Variants in NXPE4 observed in about 807,000 individuals in gnomAD.
The protein encoded by NXPE4 is neurexophilin and PC-esterase domain family member 4, also known as NXPE family member 4.
Under a neutral mutation model 33.3 loss-of-function variants are expected in NXPE4, and 42 were observed. That is an observed-to-expected ratio of 1.26 (90% CI 0.98 to 1.63). The LOEUF (loss-of-function observed/expected upper bound fraction) is 1.63. Ranked by LOEUF, NXPE4 falls within the 40% of genes most tolerant of loss-of-function variation. NXPE4 has a pLI of 0.00. For missense variants in NXPE4, 709 were observed against 647.6 expected (o/e 1.09, Z -1.03); for synonymous variants, 253 against 234.9 (o/e 1.08, Z -0.71).
At chr11:114,600,598 A>G (rs967934915), upstream of NXPE4, among the ~76,000 whole-genome samples, 45 of 152,128 alleles carry the variant, frequency 3.0e-4, no homozygotes, top group African/African-American at 1.1e-3. Context: ...ATGAAAAACC[A>G]TGTAAGACTA....
At chr11:114,637,976 C>T in the NXPE4 span, among the ~76,000 whole-genome samples, 10 of 151,444 alleles carry the variant, frequency 6.6e-5, no homozygotes, top group African/African-American at 1.2e-4. Flanking sequence ...ATCTTTGTGG[C>T]GTTCTCTGTA....
rs73557425 is a variant in NXPE4 at position 114,582,716 on chromosome 11, G to A, written c.402C>T (p.Gly134=). ...ACATCCTGGCCCTCAGGAAATCCCC[G>A]CCATATTGCTTCCTGCGTCCCAAGT... The part of the protein sequence containing the change: ...RDHLGRRKQY[G]GDFLRARMSS... Residue 134 remains glycine, a synonymous_variant, in exon 3 of 6, where the codon GGC becomes GGT. Coordinates refer to ENST00000375478, the MANE Select transcript of NXPE4 (RefSeq NM_001077639.2). 790 of 1,614,096 alleles carry A rather than the reference G, an allele frequency of 4.9e-4. 6 individuals are homozygous for A. The African/African-American group carries it at 5.0e-3, about 10-fold the overall frequency.
At chr11:114,630,031 C>G in the NXPE4 span, among the ~76,000 whole-genome samples, 1 of 151,150 alleles carries the variant, frequency 6.6e-6, no homozygotes, top group Non-Finnish European at 1.5e-5. Flanking sequence ...AGGATACAAA[C>G]AAATGGAAGA....
the NXPE4 span, among the ~76,000 whole-genome samples, chr11:114,648,280 G>T: frequency 0.015 from 2,223 of 152,186 alleles, 42 homozygotes; most frequent in African/African-American, 0.051. Context: ...GAGAGCCAAT[G>T]GTGTAGGTTC....
chr11:114,646,545 G>C, the NXPE4 span, among the ~76,000 whole-genome samples: 1 of 151,864 alleles, frequency 6.6e-6, no homozygotes, highest in Non-Finnish European at 1.5e-5. Flanking sequence ...AATTATAAAA[G>C]TGAGTTATCA....
At chr11:114,574,839 A>G (rs1054897182) in intron 5 of NXPE4, among the ~76,000 whole-genome samples, 7 of 152,254 alleles carry the variant, frequency 4.6e-5, no homozygotes, top group Non-Finnish European at 8.8e-5. Flanking sequence ...AAATAATTCT[A>G]TAAAGCCAGT....
upstream of NXPE4, among the ~76,000 whole-genome samples, chr11:114,597,796 A>C (rs1201635694): frequency 6.6e-6 from 1 of 152,146 alleles, no homozygotes; most frequent in Admixed American, 6.5e-5. Context: ...GCTCCTGATG[A>C]CCAAAGTTGC....
the NXPE4 span, among the ~76,000 whole-genome samples, chr11:114,601,690 A>AAT: frequency 1.2e-4 from 4 of 32,450 alleles, no homozygotes; most frequent in African/African-American, 4.1e-4. Flanking sequence ...TAGATTATAT[A>AAT]TATTTATAAT....
Position 114,580,256 on chromosome 11 carries a change from C to T in NXPE4, c.975G>A (p.Trp325Ter). 6.2e-7 allele frequency: 1 copy of T among 1,614,032 alleles called. No individual in the cohort carries two copies. Among genetic ancestry groups the T allele is most frequent in the Non-Finnish European group, 8.5e-7 (1 of 1,179,918 alleles). Residue 325 changes from tryptophan to a stop codon, truncating the protein, a stop_gained, in exon 5 of 6, where the codon TGG becomes TGA. Coordinates refer to ENST00000375478, the MANE Select transcript of NXPE4 (RefSeq NM_001077639.2). LOFTEE classifies it high-confidence loss of function. Reference sequence around the variant, plus strand: ...TAGCCAAACTACAGGAGACAGGATTCCATGTGTTTCTCCAGACATGCCCAC... The same window carrying T: ...TAGCCAAACTACAGGAGACAGGATTTCATGTGTTTCTCCAGACATGCCCAC... ...IPSGHVWRNTWNPVSCSLATV... is the reference protein window; with the variant it reads ...IPSGHVWRNT
At chr11:114,651,968 G>A in the NXPE4 span, among the ~76,000 whole-genome samples, 3 of 152,266 alleles carry the variant, frequency 2.0e-5, no homozygotes, top group South Asian at 4.1e-4. Context: ...GGTTCACAGT[G>A]GCACTCCAGC....
At position 114,583,691 on chromosome 11, in the gene NXPE4, G is replaced by A. The variant is rs554282280; in HGVS notation, c.97-670C>T. The A allele has an allele frequency of 4.0e-4, 231 of 578,022 alleles. 2 individuals are homozygous for A. The highest frequency in any genetic ancestry group is 3.1e-3 in the South Asian group (225 of 72,262). The allele number at this position is 578,022 out of a possible 1,614,324, so 35.8% of individuals were successfully genotyped here. ...CCTGCACCATGCAAAGAAGTTCAAG[G>A]CATCTGGCTTCTGTTATGTTAATGA... On this transcript the variant is annotated intron_variant, in intron 2 of 5. Coordinates refer to ENST00000375478, the MANE Select transcript of NXPE4 (RefSeq NM_001077639.2).
chr11:114,624,277 G>C, the NXPE4 span, among the ~76,000 whole-genome samples: 2 of 151,704 alleles, frequency 1.3e-5, no homozygotes, highest in African/African-American at 4.8e-5. Context: ...ATATTGCCTC[G>C]TGAGTAACCA....
At chr11:114,676,735 T>A in the NXPE4 span, among the ~76,000 whole-genome samples, 1 of 152,074 alleles carries the variant, frequency 6.6e-6, no homozygotes, top group Non-Finnish European at 1.5e-5. Flanking sequence ...TACTGTATGA[T>A]CCAGCAATCC....
At chr11:114,615,730 C>T in the NXPE4 span, among the ~76,000 whole-genome samples, 107 of 147,654 alleles carry the variant, frequency 7.2e-4, no homozygotes, top group Middle Eastern at 3.8e-3. Context: ...TATTGCCTCA[C>T]GGGTAACCGC....
chr11:114,599,491 A>T (rs753418442), upstream of NXPE4, among the ~76,000 whole-genome samples: 14 of 152,102 alleles, frequency 9.2e-5, no homozygotes, highest in Non-Finnish European at 1.9e-4. Context: ...CCCCAGTGCT[A>T]ATTTTCTGTA....
chr11:114,660,524 C>A, the NXPE4 span, among the ~76,000 whole-genome samples: 1 of 151,852 alleles, frequency 6.6e-6, no homozygotes, highest in Non-Finnish European at 1.5e-5. Flanking sequence ...CTATGATAAT[C>A]TCAGTATAAA....
At chr11:114,627,124 A>G in the NXPE4 span, among the ~76,000 whole-genome samples, 1 of 152,100 alleles carries the variant, frequency 6.6e-6, no homozygotes, top group East Asian at 1.9e-4. Flanking sequence ...AACTTCCCCA[A>G]TCTAGCAAGG....
the NXPE4 span, among the ~76,000 whole-genome samples, chr11:114,621,921 A>G: frequency 1.3e-5 from 2 of 151,896 alleles, no homozygotes; most frequent in Non-Finnish European, 2.9e-5. Context: ...CTGGTGGATA[A>G]GTATTGCCTC....
the NXPE4 span, among the ~76,000 whole-genome samples, chr11:114,635,509 G>A: frequency 2.4e-4 from 37 of 152,108 alleles, no homozygotes; most frequent in Non-Finnish European, 3.1e-4. Context: ...CTGATGAATA[G>A]GAGTGGTGAG....
Sources: allele counts gnomAD v4.1 joint callset (sites outside exome capture counted in the v4.1 genomes callset), GRCh38; gene constraint gnomAD v4.1.1; transcripts MANE v1.5; gene names NCBI Gene and HGNC (gene_info 2026-07-23, HGNC 2026-07-21).